Variants in CIB2 observed in about 807,000 individuals in gnomAD.
The protein encoded by CIB2 is calcium and integrin-binding family member 2.
In CIB2, 19 loss-of-function variants were observed where a neutral mutation model predicts 23.1. That is an observed-to-expected ratio of 0.82 (90% CI 0.57 to 1.21). The LOEUF (loss-of-function observed/expected upper bound fraction) is 1.21. CIB2 is among the 50% of genes most tolerant of loss of function. CIB2 has a pLI of 0.00. For synonymous variants in CIB2, 94 were observed against 91.7 expected (o/e 1.03, Z -0.14); for missense variants, 220 against 241.5 (o/e 0.91, Z 0.59).
At chr15:78,109,563 A>G in intron 3 of CIB2, 181 bp from the exon 4 acceptor site, 1 of 683,882 alleles carries the variant, frequency 1.5e-6, no homozygotes, top group Non-Finnish European at 2.5e-6. Context: ...GATGGGATTA[A>G]ATGAGCTAAA....
intron 4 of CIB2, among the ~76,000 whole-genome samples, chr15:78,106,535 A>G (rs2074073358): frequency 6.6e-6 from 1 of 152,188 alleles, no homozygotes. Flanking sequence ...ACATGGTTTG[A>G]TTCTACCCAG....
At chr15:78,118,991 G>C (rs2074280885) in intron 2 of CIB2, among the ~76,000 whole-genome samples, 1 of 152,100 alleles carries the variant, frequency 6.6e-6, no homozygotes, top group Non-Finnish European at 1.5e-5. Context: ...GATCAGCTTG[G>C]CCAACAAGGT....
At chr15:78,113,517 C>CTTCTTTCT (rs765344309) in intron 2 of CIB2, among the ~76,000 whole-genome samples, 25,560 of 144,714 alleles carry the variant, frequency 0.18, 2,636 homozygotes, top group Non-Finnish European at 0.23. Flanking sequence ...ATTCATGCAT[C>CTTCTTTCT]TTCTTTCTTT....
chr15:78,109,201 G>GGGGGGT, intron 4 of CIB2, 34 bp downstream of exon 4: 1 of 1,156,414 alleles, frequency 8.6e-7, no homozygotes. Context: ...TTCCCCCACC[G>GGGGGGT]CATATTCAGG....
At chr15:78,123,863 A>G in intron 1 of CIB2, 124 bp from the exon 2 acceptor site, 1 of 1,088,078 alleles carries the variant, frequency 9.2e-7, no homozygotes, top group Non-Finnish European at 1.4e-6. Context: ...AGTCACTACT[A>G]TCCCTTTCCA....
intron 2 of CIB2, among the ~76,000 whole-genome samples, chr15:78,115,391 C>T (rs2141898517): frequency 6.6e-6 from 1 of 151,912 alleles, no homozygotes; most frequent in South Asian, 2.1e-4. Context: ...TCCCAAGTAG[C>T]TGGAATTACA....
chr15:78,105,501 C>T (rs553000208), intron 5 of CIB2, 169 bp from the exon 6 acceptor site: 21 of 1,500,358 alleles, frequency 1.4e-5, no homozygotes, highest in Admixed American at 2.2e-5. Context: ...GGAGGAACAG[C>T]GGTGCCCAGG....
chr15:78,111,157 G>T lies in CIB2; in HGVS notation c.198+8C>A, dbSNP rs752139872. ...CCCCTGCTCGCCAGCAAGAGGTCCTGCACATACCCGGAGCTCTGGCATCTG... is the reference window on the plus strand; with the variant it reads ...CCCCTGCTCGCCAGCAAGAGGTCCTTCACATACCCGGAGCTCTGGCATCTG... On this transcript the variant is annotated splice_region_variant and intron_variant, in intron 3 of 5. Coordinates refer to ENST00000258930, the MANE Select transcript of CIB2 (RefSeq NM_006383.4). The T allele has an allele frequency of 6.2e-7, 1 of 1,612,450 alleles. No individual in the cohort carries two copies. Among genetic ancestry groups the T allele is most frequent in the East Asian group, 2.2e-5 (1 of 44,880 alleles).
intron 3 of CIB2, 109 bp downstream of exon 3, chr15:78,111,056 G>C: frequency 1.1e-6 from 1 of 893,898 alleles, no homozygotes; most frequent in Non-Finnish European, 1.9e-6. Flanking sequence ...TCTGCTCAGA[G>C]CCACGCAGAC....
intron 2 of CIB2, 107 bp downstream of exon 2, chr15:78,123,598 G>A (rs2074346438): frequency 2.6e-6 from 3 of 1,153,440 alleles, no homozygotes; most frequent in South Asian, 1.2e-5. Flanking sequence ...GATACATGCT[G>A]ATGCTCTGCC....
rs543033983 is a variant in CIB2 at position 78,109,042 on chromosome 15, G to A, written c.346+193C>T. ...TGAGTCCCTCCCTCCTTCGTTCTCAGGACCCTCACAGATGTCTCTCAGGGA... is the reference window on the plus strand; with the variant it reads ...TGAGTCCCTCCCTCCTTCGTTCTCAAGACCCTCACAGATGTCTCTCAGGGA... On this transcript the variant is annotated intron_variant, in intron 4 of 5. Coordinates refer to ENST00000258930, the MANE Select transcript of CIB2 (RefSeq NM_006383.4). 3.9e-5 allele frequency among the ~76,000 whole-genome samples: 6 copies of A among 152,300 alleles called. No individual in the cohort carries two copies. In the East Asian group the frequency reaches 9.7e-4, roughly 25 times the overall value.
At chr15:78,123,665 A>C (rs756836883) in intron 2 of CIB2, 40 bp downstream of exon 2, 55 of 1,612,086 alleles carry the variant, frequency 3.4e-5, no homozygotes, top group Non-Finnish European at 8.5e-7. Context: ...CCCCGGCCCC[A>C]GTCCCAGTCC....
At chr15:78,107,450 G>A (rs1418724642) in intron 4 of CIB2, among the ~76,000 whole-genome samples, 5 of 152,200 alleles carry the variant, frequency 3.3e-5, no homozygotes, top group Non-Finnish European at 7.4e-5. Context: ...TTTGCTGGCT[G>A]GCTGGCTGAA....
chr15:78,105,032 G>A lies in CIB2; in HGVS notation c.*279C>T. 2.1e-6 allele frequency: 1 copy of A among 469,100 alleles called. No individual in the cohort carries two copies. The highest frequency in any genetic ancestry group is 2.6e-5 in the South Asian group (1 of 38,286). The allele number at this position is 469,100 out of a possible 1,614,324, so 29.1% of individuals were successfully genotyped here. On this transcript the variant is annotated 3_prime_UTR_variant, in exon 6 of 6. Transcript: ENST00000258930. ...CTTTGGGGGGGTGGGGAGCATTTCT[G>A]GAGTAGGAAAGGACTGGGGCATGGG...
chr15:78,117,266 A>AAAAAAAAAAAAAAAAAAAAAG, intron 2 of CIB2, among the ~76,000 whole-genome samples: 1 of 120,990 alleles, frequency 8.3e-6, no homozygotes, highest in Non-Finnish European at 2.0e-5. Context: ...AAAAAAAAAA[A>AAAAAAAAAAAAAAAAAAAAAG]AAAAAAAAAG....
rs1486974252 is a variant in CIB2, at chr15:78,109,251, A to G, written c.330T>C (p.Tyr110=). 5.8e-6 allele frequency: 9 copies of G among 1,539,760 alleles called. No individual in the cohort carries two copies. The highest frequency in any genetic ancestry group is 7.9e-6 in the Non-Finnish European group (9 of 1,136,676). Residue 110 remains tyrosine, a synonymous_variant, in exon 4 of 6, where the codon TAT becomes TAC. Coordinates refer to ENST00000258930, the MANE Select transcript of CIB2 (RefSeq NM_006383.4). Reference sequence around the variant, plus strand: ...CCTGGTTACCATAGATCTTGAAGGCATAGTTTGCCTTGAGCTCTCGGGGAG... The same window carrying G: ...CCTGGTTACCATAGATCTTGAAGGCGTAGTTTGCCTTGAGCTCTCGGGGAG... The part of the protein sequence containing the change: ...ESAPRELKAN[Y]AFKIYDFNTD...
At chr15:78,115,561 A>C (rs2074226491) in intron 2 of CIB2, among the ~76,000 whole-genome samples, 1 of 152,104 alleles carries the variant, frequency 6.6e-6, no homozygotes, top group Non-Finnish European at 1.5e-5. Flanking sequence ...GCACCTGGTC[A>C]AAAGTATTTT....
chr15:78,125,744 G>A (rs1054412286), intron 1 of CIB2, among the ~76,000 whole-genome samples: 2 of 152,180 alleles, frequency 1.3e-5, no homozygotes, highest in Non-Finnish European at 2.9e-5. Flanking sequence ...GTTGAAGTGT[G>A]AGGAAGTCTG....
chr15:78,123,842 G>A lies in CIB2; in HGVS notation c.52-103C>T. The stretch of plus-strand genomic sequence containing the variant: ...GGCTCACAGGGGATAGCTCCGGACT[G>A]GGGACAGAAGAGTCACTACTATCCC... On this transcript the variant is annotated intron_variant, in intron 1 of 5. Coordinates refer to ENST00000258930, the MANE Select transcript of CIB2 (RefSeq NM_006383.4). 4 of 1,307,766 alleles carry A rather than the reference G, an allele frequency of 3.1e-6. No individual in the cohort carries two copies. The South Asian group carries it at 4.7e-5, about 16-fold the overall frequency. 81.0% of individuals were successfully genotyped at this position (1,307,766 alleles called of 1,614,324 possible).
Sources: gnomAD v4.1 joint callset for allele counts (sites outside exome capture counted in the v4.1 genomes callset) on GRCh38, gnomAD v4.1.1 for gene constraint, MANE v1.5 for transcripts, NCBI Gene and HGNC (gene_info 2026-07-23, HGNC 2026-07-21) for gene names.